The following ZNF615 variants were observed in gnomAD, a reference collection of about 807,000 sequenced individuals.
ZNF615 encodes the protein zinc finger protein 615.
A neutral mutation model predicts 15.3 loss-of-function variants in ZNF615; 15 were observed. The observed-to-expected ratio is 0.98, with a 90% CI of 0.66 to 1.51. The LOEUF (loss-of-function observed/expected upper bound fraction) is 1.51. Among genes scored for constraint, ZNF615 ranks in the 40% most tolerant of loss-of-function variants. ZNF615 has a pLI of 0.00. For synonymous variants in ZNF615, 268 were observed against 294.6 expected (o/e 0.91, Z 0.92); for missense variants, 848 against 895.9 (o/e 0.95, Z 0.68).
rs1490661608 is a variant in ZNF615 at position 52,000,379 on chromosome 19, C to G, written c.239-1G>C. On this transcript the variant is annotated splice_acceptor_variant, in intron 5 of 6. Coordinates refer to ENST00000598071, the MANE Select transcript of ZNF615 (RefSeq NM_001199324.2). LOFTEE classifies it high-confidence loss of function. ...GCACCTCCTGATGCACCTCCTGAAT[C>G]TAAAATAAAAACATAAAAGATAAAA... 1 of 620,232 alleles carries G rather than the reference C, an allele frequency of 1.6e-6. No homozygotes were observed. Among genetic ancestry groups the G allele is most frequent in the Non-Finnish European group, 2.9e-6 (1 of 339,690 alleles). 38.4% of individuals were successfully genotyped at this position (620,232 alleles called of 1,614,324 possible).
intron 6 of ZNF615, among the ~76,000 whole-genome samples, chr19:51,996,385 C>CAAAAAA (rs1172310589): frequency 0.014 from 442 of 32,634 alleles, 7 homozygotes; most frequent in Middle Eastern, 0.026. Context: ...GACTCTGTCT[C>CAAAAAA]AAAAAAAAAA....
rs146926077 is a variant in ZNF615, at chr19:52,003,736, T to A, written c.-25A>T. On this transcript the variant is annotated 5_prime_UTR_variant, in exon 3 of 7. Coordinates refer to ENST00000598071, the MANE Select transcript of ZNF615 (RefSeq NM_001199324.2). ...TTGTCTCCTAAATTTGGGAAATGAC[T>A]GCTAACTTGGACGTTCTGTATTTGT... The A allele has an allele frequency of 8.2e-5, 132 of 1,612,080 alleles. No individual in the cohort carries two copies. The East Asian group carries it at 2.9e-3, about 36-fold the overall frequency.
intron 6 of ZNF615, among the ~76,000 whole-genome samples, chr19:51,996,379 C>A (rs2086428713): frequency 3.3e-5 from 2 of 61,032 alleles, no homozygotes; most frequent in African/African-American, 9.1e-5. Flanking sequence ...CAGCAAGACT[C>A]TGTCTCAAAA....
chr19:52,002,498 TAC>T (rs1169018208), intron 3 of ZNF615: 1 of 663,658 alleles, frequency 1.5e-6, no homozygotes, highest in South Asian at 1.5e-5. Flanking sequence ...ATGTCTGTAA[TAC>T]ACAGCTATCC....
chr19:52,002,427 G>C, intron 3 of ZNF615, 146 bp from the exon 4 acceptor site: 1 of 1,194,120 alleles, frequency 8.4e-7, no homozygotes, highest in Non-Finnish European at 1.2e-6. Context: ...AAGAATTCCA[G>C]TAAAATATTC....
chr19:51,992,650 C>T lies in ZNF615; in HGVS notation c.*230G>A. ...TCACTTCTGAGGGGGTTTATCTTCC[C>T]ACCAAAGGCTTTTATAGTCTGCCAC... On this transcript the variant is annotated 3_prime_UTR_variant, in exon 7 of 7. Transcript: ENST00000598071. 1.9e-6 allele frequency: 1 copy of T among 525,478 alleles called. No individual in the cohort carries two copies. Among genetic ancestry groups the T allele is most frequent in the Non-Finnish European group, 3.3e-6 (1 of 300,538 alleles). 32.6% of individuals were successfully genotyped at this position (525,478 alleles called of 1,614,324 possible). A position where few individuals can be genotyped will look rare whatever the true frequency, so the allele number is the denominator to read the frequency against.
At chr19:52,007,147 T>C (rs1250094618) in intron 2 of ZNF615, 146 bp downstream of exon 2, 2 of 396,250 alleles carry the variant, frequency 5.0e-6, no homozygotes, top group African/African-American at 4.3e-5. Context: ...CTTCTAAATG[T>C]TTATTACATA....
chr19:51,997,406 T>C (rs1334901036), intron 6 of ZNF615, among the ~76,000 whole-genome samples: 1 of 152,202 alleles, frequency 6.6e-6, no homozygotes, highest in Non-Finnish European at 1.5e-5. Context: ...AACTTGCTAT[T>C]CTTCTTCATT....
At chr19:52,006,896 T>G (rs1014496620) in intron 2 of ZNF615, among the ~76,000 whole-genome samples, 2 of 152,112 alleles carry the variant, frequency 1.3e-5, no homozygotes, top group Admixed American at 6.5e-5. Flanking sequence ...TAAAATTAAT[T>G]TATCTTTTGT....
In ZNF615 at chr19:51,992,855, C is replaced by A; in HGVS notation, c.*25G>T. 1 of 1,609,498 alleles carries A rather than the reference C, an allele frequency of 6.2e-7. No individual in the cohort carries two copies. Among genetic ancestry groups the A allele is most frequent in the Non-Finnish European group, 8.5e-7 (1 of 1,176,642 alleles). On this transcript the variant is annotated 3_prime_UTR_variant, in exon 7 of 7. Coordinates refer to ENST00000598071, the MANE Select transcript of ZNF615 (RefSeq NM_001199324.2). ...TTGCAGATATCTTAAGGGCCTACAT[C>A]TGGCAAGAGGCTTTCCCAAAATGAC...
intron 2 of ZNF615, chr19:52,004,329 A>C (rs1296279574): frequency 1.3e-5 from 2 of 152,178 alleles, no homozygotes; most frequent in Non-Finnish European, 2.9e-5. Flanking sequence ...TCCTAAGCAA[A>C]TAATAAGCAC....
chr19:52,003,961 C>CT, intron 2 of ZNF615, 61 bp from the exon 3 acceptor site: 1 of 1,198,944 alleles, frequency 8.3e-7, no homozygotes, highest in Non-Finnish European at 1.1e-6. Context: ...GTCACTGTTC[C>CT]TATATGCTCA....
At chr19:52,001,791 C>T in intron 5 of ZNF615, 22 bp downstream of exon 5, 1 of 1,608,304 alleles carries the variant, frequency 6.2e-7, no homozygotes, top group Non-Finnish European at 8.5e-7. Context: ...TGGCTGTCCA[C>T]CTGGCTGCTC....
rs1442554077 is a variant in ZNF615, at chr19:51,992,578, A to G, written c.*302T>C. The G allele has an allele frequency of 7.6e-6, 2 of 264,678 alleles. No individual in the cohort carries two copies. Among genetic ancestry groups the G allele is most frequent in the Admixed American group, 9.5e-5 (2 of 20,958 alleles). The allele number at this position is 264,678 out of a possible 1,614,324, so 16.4% of individuals were successfully genotyped here. ...TTTATTTTTGGGCAAAGACGTTCCT[A>G]TAATTATTACATTTCCACGAATTAG... On this transcript the variant is annotated 3_prime_UTR_variant, in exon 7 of 7. Transcript: ENST00000598071.
chr19:51,997,811 C>A (rs1006424904), intron 6 of ZNF615, among the ~76,000 whole-genome samples: 5 of 152,198 alleles, frequency 3.3e-5, no homozygotes, highest in African/African-American at 1.2e-4. Flanking sequence ...TGGGTGGCTA[C>A]AGACACTGGG....
chr19:52,001,442 A>G (rs1013109008), intron 5 of ZNF615, among the ~76,000 whole-genome samples: 1 of 151,896 alleles, frequency 6.6e-6, no homozygotes, highest in African/African-American at 2.4e-5. Flanking sequence ...ATATGGTGAA[A>G]CCCCGTTTCT....
chr19:52,002,115 A>G, intron 4 of ZNF615, 40 bp downstream of exon 4: 3 of 1,614,178 alleles, frequency 1.9e-6, no homozygotes, highest in Non-Finnish European at 2.5e-6. Flanking sequence ...AAGGCCACTG[A>G]CTGGGCACCC....
chr19:52,002,316 T>C, intron 3 of ZNF615, 35 bp from the exon 4 acceptor site: 2 of 1,613,292 alleles, frequency 1.2e-6, no homozygotes, highest in Non-Finnish European at 1.7e-6. Context: ...TGAAGTCATA[T>C]TCTTTTGGTG....
intron 1 of ZNF615, among the ~76,000 whole-genome samples, chr19:52,007,785 ACC>A (rs2086797010): frequency 1.3e-5 from 2 of 152,066 alleles, no homozygotes; most frequent in African/African-American, 4.8e-5. Context: ...GACAAAACAA[ACC>A]CTCCAGTTCG....
Sources: gnomAD v4.1 joint callset for allele counts (sites outside exome capture counted in the v4.1 genomes callset) on GRCh38, gnomAD v4.1.1 for gene constraint, MANE v1.5 for transcripts, NCBI Gene and HGNC (gene_info 2026-07-23, HGNC 2026-07-21) for gene names.